The following FGF12 variants were observed in gnomAD, a reference collection of about 807,000 sequenced individuals.
The protein encoded by FGF12 is fibroblast growth factor 12.
A neutral mutation model predicts 23.6 loss-of-function variants in FGF12; 14 were observed. The observed-to-expected ratio is 0.59, with a 90% CI of 0.39 to 0.93. The LOEUF (loss-of-function observed/expected upper bound fraction) is 0.93. FGF12 is among the 40% of genes least tolerant of loss of function. The pLI, the probability that FGF12 is intolerant of heterozygous loss-of-function variation, is 0.00. For missense variants in FGF12, 175 were observed against 217.8 expected (o/e 0.80, Z 1.24); for synonymous variants, 62 against 77.3 (o/e 0.80, Z 1.04).
At chr3:192,170,687 A>G (rs757925369) in intron 4 of FGF12, 31 bp from the exon 5 acceptor site, 2 of 1,556,900 alleles carry the variant, frequency 1.3e-6, no homozygotes, top group African/African-American at 1.4e-5. Context: ...GACACAAAAA[A>G]GAGAAATGAT....
At chr3:192,319,366 G>C (rs1052215719) in intron 4 of FGF12, among the ~76,000 whole-genome samples, 2 of 152,134 alleles carry the variant, frequency 1.3e-5, no homozygotes, top group Non-Finnish European at 2.9e-5. Context: ...GGAGGCCAAG[G>C]CAGGAGGATC....
At chr3:192,239,878 A>C (rs1269339560) in intron 4 of FGF12, among the ~76,000 whole-genome samples, 1 of 152,238 alleles carries the variant, frequency 6.6e-6, no homozygotes, top group Non-Finnish European at 1.5e-5. Flanking sequence ...CCAAGTCACA[A>C]CTAAGTTTAA....
intron 2 of FGF12, among the ~76,000 whole-genome samples, chr3:192,441,615 A>T (rs972271232): frequency 6.6e-6 from 1 of 152,206 alleles, no homozygotes; most frequent in Non-Finnish European, 1.5e-5. Flanking sequence ...CCAGTATGAA[A>T]AGACTCCTTC....
chr3:192,225,999 G>A (rs1204842505), intron 4 of FGF12, among the ~76,000 whole-genome samples: 1 of 152,076 alleles, frequency 6.6e-6, no homozygotes, highest in African/African-American at 2.4e-5. Context: ...TTTATTTTGG[G>A]GGTGATGAAA....
intron 4 of FGF12, among the ~76,000 whole-genome samples, chr3:192,318,965 A>G (rs925905805): frequency 2.0e-4 from 31 of 152,126 alleles, no homozygotes; most frequent in African/African-American, 7.2e-4. Context: ...CTGAAGGGGG[A>G]AAAACAAAAC....
At chr3:192,695,245 T>C (rs1718077838) in intron 2 of FGF12, among the ~76,000 whole-genome samples, 1 of 152,198 alleles carries the variant, frequency 6.6e-6, no homozygotes, top group South Asian at 2.1e-4. Context: ...GCATTTTTCG[T>C]TGTGTCTTAT....
At chr3:192,571,499 C>T (rs984129291) in intron 2 of FGF12, among the ~76,000 whole-genome samples, 3 of 152,214 alleles carry the variant, frequency 2.0e-5, no homozygotes, top group African/African-American at 7.2e-5. Context: ...GAAGGTGCCA[C>T]GGGGCGGACG....
chr3:192,232,513 G>GTATGTATTTATTTATT (rs1553852586), intron 4 of FGF12, among the ~76,000 whole-genome samples: 5 of 147,378 alleles, frequency 3.4e-5, no homozygotes, highest in Non-Finnish European at 7.5e-5. Flanking sequence ...CCATGCACGT[G>GTATGTATTTATTTATT]TATTTATTTA....
chr3:192,235,482 C>T (rs1009949647), intron 4 of FGF12, among the ~76,000 whole-genome samples: 3 of 152,084 alleles, frequency 2.0e-5, no homozygotes, highest in Non-Finnish European at 2.9e-5. Context: ...TGCCACCACA[C>T]CCAGCTAATT....
chr3:192,362,830 G>T (rs1404144920), intron 2 of FGF12, among the ~76,000 whole-genome samples: 1 of 152,142 alleles, frequency 6.6e-6, no homozygotes, highest in Non-Finnish European at 1.5e-5. Flanking sequence ...TCTGAGAAAA[G>T]AGTATGTCTC....
chr3:192,251,890 C>A (rs1482266660), intron 4 of FGF12, among the ~76,000 whole-genome samples: 3 of 152,002 alleles, frequency 2.0e-5, no homozygotes, highest in Non-Finnish European at 4.4e-5. Context: ...TAGAAGGGTT[C>A]CAAATATCTG....
At chr3:192,213,866 TCA>T (rs1306370127) in intron 4 of FGF12, among the ~76,000 whole-genome samples, 3 of 152,256 alleles carry the variant, frequency 2.0e-5, no homozygotes, top group African/African-American at 7.2e-5. Context: ...AATGCAGCTT[TCA>T]GTTTCACTGA....
chr3:192,161,021 G>A (rs73191571), intron 5 of FGF12, among the ~76,000 whole-genome samples: 21,353 of 151,918 alleles, frequency 0.14, 1,653 homozygotes, highest in Admixed American at 0.18. Context: ...ACAGAAATAA[G>A]AAAAATCAAT....
intron 2 of FGF12, among the ~76,000 whole-genome samples, chr3:192,363,899 A>C (rs993144139): frequency 1.3e-5 from 2 of 152,232 alleles, no homozygotes; most frequent in African/African-American, 2.4e-5. Flanking sequence ...AAGAAAACGA[A>C]AACCTTTGCT....
chr3:192,231,856 C>T lies in FGF12; in HGVS notation c.229-61200G>A, dbSNP rs189949401. ...TTGCACCAACCTAATAGAAAACCAT[C>T]GACTAGATTAATCAGCTCATACCAT... On this transcript the variant is annotated intron_variant, in intron 4 of 5. Transcript: ENST00000445105. Among the ~76,000 whole-genome samples, 13 of 152,104 alleles carry T rather than the reference C, an allele frequency of 8.5e-5. No homozygotes were observed. The East Asian group carries it at 9.7e-4, about 11-fold the overall frequency.
intron 4 of FGF12, among the ~76,000 whole-genome samples, chr3:192,293,231 G>A (rs1300519686): frequency 7.7e-6 from 1 of 129,956 alleles, no homozygotes; most frequent in Non-Finnish European, 1.6e-5. Context: ...GTGCCTTAGT[G>A]ATGTTTACTG....
intron 3 of FGF12, among the ~76,000 whole-genome samples, chr3:192,338,606 C>CA (rs976180724): frequency 1.3e-5 from 2 of 151,868 alleles, no homozygotes; most frequent in Non-Finnish European, 2.9e-5. Flanking sequence ...CATCTCAAAC[C>CA]AAAAAAACAA....
At chr3:192,261,752 C>G (rs1712770073) in intron 4 of FGF12, among the ~76,000 whole-genome samples, 1 of 152,144 alleles carries the variant, frequency 6.6e-6, no homozygotes, top group Admixed American at 6.6e-5. Flanking sequence ...AATGAATTCT[C>G]CCTACCTAAA....
chr3:192,320,980 T>C (rs1420697535), intron 4 of FGF12, among the ~76,000 whole-genome samples: 3 of 152,008 alleles, frequency 2.0e-5, no homozygotes, highest in East Asian at 3.8e-4. Flanking sequence ...TAAAGGAATT[T>C]GAAATTTAAA....
Sources: gnomAD v4.1 joint callset for allele counts (sites outside exome capture counted in the v4.1 genomes callset) on GRCh38, gnomAD v4.1.1 for gene constraint, MANE v1.5 for transcripts, NCBI Gene and HGNC (gene_info 2026-07-23, HGNC 2026-07-21) for gene names.